Variants in COL6A3 observed in about 807,000 individuals in gnomAD.
COL6A3 encodes collagen type VI alpha 3 chain.
COL6A3 carries 137 observed loss-of-function variants against 274.1 expected under a neutral mutation model. That is an observed-to-expected ratio of 0.50 (90% confidence interval 0.44 to 0.58). The LOEUF is 0.58. Ranked by LOEUF, COL6A3 falls within the 20% of genes least tolerant of loss-of-function variation. The pLI is 0.00. For synonymous variants in COL6A3, 1,650 were observed against 1,650.6 expected (o/e 1.00, Z 0.01); for missense variants, 3,950 against 4,124.9 (o/e 0.96, Z 1.16).
At chr2:237,391,574 C>T (rs910573890) in intron 3 of COL6A3, among the ~76,000 whole-genome samples, 13 of 152,110 alleles carry the variant, frequency 8.5e-5, no homozygotes, top group African/African-American at 3.1e-4. Flanking sequence ...CTCTTGTCAC[C>T]CAGACTGGAG....
chr2:237,353,235 G>T (rs2077245130), intron 25 of COL6A3, 106 bp downstream of exon 25: 1 of 1,086,920 alleles, frequency 9.2e-7, no homozygotes, highest in Non-Finnish European at 1.4e-6. Context: ...CCACTGGATT[G>T]TTCACTTTAA....
intron 14 of COL6A3, 148 bp downstream of exon 14, chr2:237,363,105 T>C (rs2077473675): frequency 1.2e-6 from 1 of 848,300 alleles, no homozygotes; most frequent in Non-Finnish European, 2.0e-6. Context: ...AACAAGGCAG[T>C]TCCCAAGTGA....
At position 237,395,163 on chromosome 2, in the gene COL6A3, C is replaced by T. The variant is rs2106388853; in HGVS notation, c.133G>A (p.Asp45Asn). ...TCCTCTCCAATGGTCCAAGAGGAAT[C>T]CACTAGAAATATTATATCAGCAGCC... Reference protein sequence around the residue: ...GAAADIIFLVDSSWTIGEEHF... With the variant: ...GAAADIIFLVNSSWTIGEEHF... The change falls in exon 3 of 44, where the codon GAT becomes AAT. Residue 45 changes from aspartate (D) to asparagine (N), a missense_variant. Asp to Asn is a conservative substitution (Grantham distance 23). Around this residue, in one of 5 missense-constraint regions of COL6A3, gnomAD observed 1,934 missense variants for 1,984.3 expected, o/e 0.97. Transcript: ENST00000295550. 2 of 1,613,700 alleles carry T rather than the reference C, an allele frequency of 1.2e-6. No homozygotes were observed. The highest frequency in any genetic ancestry group is 4.5e-5 in the East Asian group (2 of 44,880).
At chr2:237,378,210 G>A (rs1372440072) in intron 6 of COL6A3, among the ~76,000 whole-genome samples, 4 of 152,142 alleles carry the variant, frequency 2.6e-5, no homozygotes, top group Non-Finnish European at 4.4e-5. Context: ...TAATTTTCTA[G>A]ATACAGCAGA....
rs144054353 is a variant in COL6A3 at position 237,334,794 on chromosome 2, C to G, written c.9061G>C (p.Asp3021His). The G allele has an allele frequency of 2.6e-4, 415 of 1,613,976 alleles. No homozygotes were observed. Among genetic ancestry groups the G allele is most frequent in the Non-Finnish European group, 3.3e-4 (385 of 1,180,016 alleles). The change falls in exon 41 of 44, where the codon GAC becomes CAC. Residue 3021 changes from aspartate to histidine, a missense_variant. By Grantham distance (81) the Asp-to-His change is moderately conservative. Transcript: ENST00000295550. ...RAEPPGPYFY[D>H]LTVTSAHDQS... is the part of the protein sequence containing the mutation. ...TCATGGGCTGAGGTGACGGTGAGGT[C>G]ATAAAAATAAGGACCGGGGGGCTCA...
intron 6 of COL6A3, 84 bp from the exon 7 acceptor site, chr2:237,377,428 A>G (rs2077879073): frequency 7.2e-7 from 1 of 1,384,030 alleles, no homozygotes; most frequent in Admixed American, 1.7e-5. Context: ...CCATTTGACA[A>G]CAGGAGTTGG....
intron 30 of COL6A3, among the ~76,000 whole-genome samples, chr2:237,348,086 T>C (rs868337467): frequency 6.6e-6 from 1 of 152,252 alleles, no homozygotes; most frequent in African/African-American, 2.4e-5. Context: ...ATCATGTAGG[T>C]TATAGCATTT....
intron 1 of COL6A3, among the ~76,000 whole-genome samples, chr2:237,404,117 G>A (rs542756018): frequency 1.3e-5 from 2 of 151,950 alleles, no homozygotes; most frequent in African/African-American, 4.8e-5. Flanking sequence ...TTTTAGCAAA[G>A]GTAAGCTTCC....
chr2:237,369,210 A>C (rs747475280), intron 9 of COL6A3, 33 bp from the exon 10 acceptor site: 2 of 1,601,622 alleles, frequency 1.2e-6, no homozygotes, highest in Non-Finnish European at 1.7e-6. Flanking sequence ...GGAAACATTC[A>C]GTGTGTAAGT....
chr2:237,340,597 G>A lies in COL6A3; in HGVS notation c.8319C>T (p.Gly2773=), dbSNP rs1453228535. ...CCTTGATGTTCACCTTCCTGCCAAT[G>A]CCCAGGACCACGAAGAAGTAGCCCT... ...KCKGYFFVVL[G]IGRKVNIKEV... is the part of the protein sequence containing the mutation. Residue 2773 remains glycine, a synonymous_variant, in exon 38 of 44, where the codon GGC becomes GGT. Coordinates refer to ENST00000295550, the MANE Select transcript of COL6A3 (RefSeq NM_004369.4). 6 of 1,614,194 alleles carry A rather than the reference G, an allele frequency of 3.7e-6. No individual in the cohort carries two copies. The highest frequency in any genetic ancestry group is 8.5e-7 in the Non-Finnish European group (1 of 1,180,028).
chr2:237,387,561 T>C, intron 4 of COL6A3, 21 bp downstream of exon 4: 1 of 1,613,792 alleles, frequency 6.2e-7, no homozygotes, highest in East Asian at 2.2e-5. Flanking sequence ...CCCACACAGA[T>C]GGTGAGAAGA....
intron 38 of COL6A3, among the ~76,000 whole-genome samples, chr2:237,340,141 C>G (rs1378215189): frequency 6.6e-6 from 1 of 152,180 alleles, no homozygotes; most frequent in Non-Finnish European, 1.5e-5. Flanking sequence ...AATAAATGTG[C>G]ATTTGATCCA....
At chr2:237,355,236 T>G (rs1434121089) in intron 23 of COL6A3, 1 of 402,530 alleles carries the variant, frequency 2.5e-6, no homozygotes, top group African/African-American at 2.0e-5. Flanking sequence ...TGACTCCTTT[T>G]GGCTGCACGA....
intron 20 of COL6A3, 38 bp from the exon 21 acceptor site, chr2:237,358,621 G>A (rs1430664730): frequency 3.9e-6 from 6 of 1,545,888 alleles, no homozygotes; most frequent in East Asian, 2.2e-5. Context: ...AAAACTAGAT[G>A]TTTCCATTTT....
chr2:237,324,633 G>A lies in COL6A3; in HGVS notation c.*141C>T. On this transcript the variant is annotated 3_prime_UTR_variant, in exon 44 of 44. Coordinates refer to ENST00000295550, the MANE Select transcript of COL6A3 (RefSeq NM_004369.4). ...ATACTGATAGGTCATGCAGCAGGATGTTCCCTCCCGAGTTCGAGTGTAAAT... is the reference window on the plus strand; with the variant it reads ...ATACTGATAGGTCATGCAGCAGGATATTCCCTCCCGAGTTCGAGTGTAAAT... The A allele has an allele frequency of 5.3e-6, 4 of 760,600 alleles. No individual in the cohort carries two copies. The highest frequency in any genetic ancestry group is 1.5e-5 in the South Asian group (1 of 66,626). 47.1% of individuals were successfully genotyped at this position (760,600 alleles called of 1,614,324 possible). A position where few individuals can be genotyped will look rare whatever the true frequency, so the allele number is the denominator to read the frequency against.
rs576022304 is a variant in COL6A3 at position 237,392,411 on chromosome 2, C to T, written c.709+2176G>A. 1.7e-4 allele frequency among the ~76,000 whole-genome samples: 26 copies of T among 152,286 alleles called. No homozygotes were observed. The South Asian group carries it at 5.0e-3, about 29-fold the overall frequency. On this transcript the variant is annotated intron_variant, in intron 3 of 43. Coordinates refer to ENST00000295550, the MANE Select transcript of COL6A3 (RefSeq NM_004369.4). The stretch of plus-strand genomic sequence containing the variant: ...GCAATCTTGCAATTCTTCTGCTGTC[C>T]CTCCGATGTGGTCCTGTAGAGTGAT...
At chr2:237,343,590 C>T (rs199934790) in intron 36 of COL6A3, 1 of 128,172 alleles carries the variant, frequency 7.8e-6, no homozygotes, top group African/African-American at 2.7e-5. Context: ...ACAATTAAAC[C>T]AGTTATTTAA....
In COL6A3 at chr2:237,340,868, A is replaced by G; in HGVS notation, c.8048T>C (p.Val2683Ala). ...ESVDNASMPP[V>A]KVEFSLTDYG... ...GTCAGTCAGGGAGAATTCCACCTTC[A>G]CAGGTGGCATGCTGGCATTGTCCAC... Residue 2683 changes from valine (V) to alanine (A), a missense_variant, in exon 38 of 44, where the codon GTG becomes GCG. Val to Ala is a moderately conservative substitution (Grantham distance 64). This residue lies in a region of COL6A3 where 1,284 missense variants were observed against 1,349.7 expected (regional missense o/e 0.95). Coordinates refer to ENST00000295550, the MANE Select transcript of COL6A3 (RefSeq NM_004369.4). The G allele has an allele frequency of 6.2e-7, 1 of 1,613,806 alleles. No homozygotes were observed. Among genetic ancestry groups the G allele is most frequent in the Non-Finnish European group, 8.5e-7 (1 of 1,179,746 alleles).
Position 237,387,956 on chromosome 2 carries a change from C to A in COL6A3, c.938G>T (p.Gly313Val). 1 of 1,614,222 alleles carries A rather than the reference C, an allele frequency of 6.2e-7. No individual in the cohort carries two copies. The highest frequency in any genetic ancestry group is 2.2e-5 in the East Asian group (1 of 44,886). ...AQVLGAVKALGFAGGELANIG... is the reference protein window; with the variant it reads ...AQVLGAVKALVFAGGELANIG... ...ATTGGCCAACTCCCCACCAGCAAAC[C>A]CGAGGGCTTTCACTGCACCCAGAAC... is the stretch of plus-strand genomic sequence containing the variant. The change falls in exon 4 of 44, where the codon GGG becomes GTG. Residue 313 changes from glycine to valine, a missense_variant. Gly to Val is a moderately radical substitution (Grantham distance 109, BLOSUM62 -3). Coordinates refer to ENST00000295550, the MANE Select transcript of COL6A3 (RefSeq NM_004369.4).
Sources: allele counts gnomAD v4.1 joint callset (sites outside exome capture counted in the v4.1 genomes callset), GRCh38; gene constraint gnomAD v4.1.1; regional missense constraint gnomAD v4.1.1; transcripts MANE v1.5; gene names NCBI Gene and HGNC (gene_info 2026-07-23, HGNC 2026-07-21).